The following B4GALT6 variants were observed in gnomAD, a reference collection of about 807,000 sequenced individuals.
B4GALT6 encodes the protein beta-1,4-galactosyltransferase 6.
A neutral mutation model predicts 46.3 loss-of-function variants in B4GALT6; 14 were observed. The observed-to-expected ratio is 0.30, with a 90% CI of 0.20 to 0.47. The LOEUF (loss-of-function observed/expected upper bound fraction) is 0.47, where lower values mean the gene tolerates loss of function less well. Ranked by LOEUF, B4GALT6 falls within the 20% of genes least tolerant of loss-of-function variation. B4GALT6 has a pLI of 0.99. For missense variants in B4GALT6, 386 were observed against 480.1 expected (o/e 0.80, Z 1.83); for synonymous variants, 168 against 162.0 (o/e 1.04, Z -0.28).
chr18:31,647,150 T>C (rs1201164824), intron 3 of B4GALT6, among the ~76,000 whole-genome samples: 1 of 152,214 alleles, frequency 6.6e-6, no homozygotes, highest in Non-Finnish European at 1.5e-5. Flanking sequence ...ATACATTTAA[T>C]AGTATGCATG....
intron 5 of B4GALT6, 133 bp from the exon 6 acceptor site, chr18:31,631,279 AC>A (rs1598868384): frequency 2.2e-6 from 2 of 922,680 alleles, no homozygotes; most frequent in East Asian, 2.9e-5. Flanking sequence ...GTCTCGAACT[AC>A]TGACCTCGTG....
chr18:31,719,237 G>A, the B4GALT6 span: 1 of 152,262 alleles, frequency 6.6e-6, no homozygotes, highest in Non-Finnish European at 1.5e-5. Context: ...CAGGAATAGG[G>A]AGAACTCAGG....
chr18:31,646,244 C>T (rs1418084986), intron 3 of B4GALT6, among the ~76,000 whole-genome samples: 1 of 152,220 alleles, frequency 6.6e-6, no homozygotes, highest in Non-Finnish European at 1.5e-5. Flanking sequence ...AACAGGCACT[C>T]ATTCTCCAAA....
At chr18:31,683,370 G>A (rs74867315) in intron 1 of B4GALT6, among the ~76,000 whole-genome samples, 2,594 of 152,274 alleles carry the variant, frequency 0.017, 88 homozygotes, top group African/African-American at 0.06. Flanking sequence ...AGAAATGAGA[G>A]GAGATGCTCA....
chr18:31,712,307 T>A, the B4GALT6 span, among the ~76,000 whole-genome samples: 8 of 134,482 alleles, frequency 5.9e-5, no homozygotes, highest in African/African-American at 1.1e-4. Context: ...TTTTTTTTTT[T>A]TTTTTTTTTT....
the B4GALT6 span, among the ~76,000 whole-genome samples, chr18:31,697,058 G>T: frequency 6.6e-6 from 1 of 152,112 alleles, no homozygotes; most frequent in Non-Finnish European, 1.5e-5. Context: ...ATCACTTGAC[G>T]CCAGGAGTTA....
At chr18:31,654,814 G>A (rs1250002499) in intron 3 of B4GALT6, among the ~76,000 whole-genome samples, 1 of 152,088 alleles carries the variant, frequency 6.6e-6, no homozygotes, top group Non-Finnish European at 1.5e-5. Context: ...ATTATTTTGT[G>A]TAACTATTAT....
chr18:31,709,655 TA>T, the B4GALT6 span, among the ~76,000 whole-genome samples: 1 of 150,766 alleles, frequency 6.6e-6, no homozygotes, highest in Non-Finnish European at 1.5e-5. Flanking sequence ...AAGGTCTTAA[TA>T]CTTCAGTGGA....
the B4GALT6 span, among the ~76,000 whole-genome samples, chr18:31,697,984 T>G: frequency 6.6e-6 from 1 of 152,242 alleles, no homozygotes; most frequent in Non-Finnish European, 1.5e-5. Context: ...CTCAGTGTTA[T>G]GATGTCTTTC....
the B4GALT6 span, among the ~76,000 whole-genome samples, chr18:31,705,211 G>A: frequency 6.6e-6 from 1 of 152,304 alleles, no homozygotes; most frequent in Admixed American, 6.5e-5. Flanking sequence ...ATTACCAAGT[G>A]AAAGAGGATA....
chr18:31,628,217 T>C (rs1343480643), intron 6 of B4GALT6, among the ~76,000 whole-genome samples: 1 of 152,076 alleles, frequency 6.6e-6, no homozygotes, highest in African/African-American at 2.4e-5. Context: ...ACAACCATAC[T>C]CTCCTGAGAC....
the B4GALT6 span, among the ~76,000 whole-genome samples, chr18:31,714,435 C>G: frequency 6.6e-6 from 1 of 152,192 alleles, no homozygotes; most frequent in Non-Finnish European, 1.5e-5. Flanking sequence ...ATCCCACCTA[C>G]TCCCCTGGGG....
intron 3 of B4GALT6, among the ~76,000 whole-genome samples, chr18:31,653,432 TTTC>T (rs2074099697): frequency 7.0e-6 from 1 of 143,506 alleles, no homozygotes; most frequent in Non-Finnish European, 1.5e-5. Flanking sequence ...CATAACCTTT[TTTC>T]TTTTTTTTTT....
intron 3 of B4GALT6, among the ~76,000 whole-genome samples, chr18:31,650,968 G>A (rs970943465): frequency 3.9e-5 from 6 of 152,166 alleles, no homozygotes; most frequent in South Asian, 2.1e-4. Context: ...GGGTTTCACC[G>A]TGTTAGACAG....
intron 1 of B4GALT6, among the ~76,000 whole-genome samples, chr18:31,673,281 A>C (rs527414835): frequency 3.8e-4 from 58 of 152,198 alleles, no homozygotes; most frequent in Non-Finnish European, 7.5e-4. Context: ...AAAAAAAAAC[A>C]AAGGAGAGTG....
Position 31,626,637 on chromosome 18 carries a change from T to C in B4GALT6, c.900-253A>G, listed in dbSNP as rs544959843. The stretch of plus-strand genomic sequence containing the variant: ...GATTTTCAGAGGAACACAAACCCTA[T>C]TGTAAACTGCACATGTGAGGGATCT... On this transcript the variant is annotated intron_variant, in intron 7 of 8. Transcript: ENST00000306851. Among the ~76,000 whole-genome samples, 14 of 152,178 alleles carry C rather than the reference T, an allele frequency of 9.2e-5. No individual in the cohort carries two copies. In the South Asian group the frequency reaches 2.3e-3, roughly 25 times the overall value.
intron 1 of B4GALT6, among the ~76,000 whole-genome samples, chr18:31,676,958 T>G (rs762843299): frequency 1.3e-5 from 2 of 152,224 alleles, no homozygotes; most frequent in Non-Finnish European, 2.9e-5. Context: ...AGTAAAACAG[T>G]AGACCCTTCC....
chr18:31,669,436 T>A (rs528203019), intron 1 of B4GALT6, among the ~76,000 whole-genome samples: 40 of 152,316 alleles, frequency 2.6e-4, no homozygotes, highest in African/African-American at 9.6e-4. Context: ...TGCTTATACT[T>A]AAATAATCTG....
the B4GALT6 span, among the ~76,000 whole-genome samples, chr18:31,694,457 A>G: frequency 6.6e-6 from 1 of 151,974 alleles, no homozygotes; most frequent in African/African-American, 2.4e-5. Context: ...AAACACACCA[A>G]CCTCTTCAGG....
Sources: gnomAD v4.1 joint callset for allele counts (sites outside exome capture counted in the v4.1 genomes callset) on GRCh38, gnomAD v4.1.1 for gene constraint, MANE v1.5 for transcripts, NCBI Gene and HGNC (gene_info 2026-07-23, HGNC 2026-07-21) for gene names.